The following ASH1L variants were observed in gnomAD, a reference collection of about 807,000 sequenced individuals.
ASH1L encodes histone-lysine N-methyltransferase ASH1L.
Under a neutral mutation model 269.0 loss-of-function variants are expected in ASH1L, and 23 were observed. The observed-to-expected ratio is 0.09, with a 90% CI of 0.06 to 0.12. The LOEUF (loss-of-function observed/expected upper bound fraction) is 0.12, where lower values mean the gene tolerates loss of function less well. Ranked by LOEUF, ASH1L falls within the 10% of genes least tolerant of loss-of-function variation. ASH1L has a pLI of 1.00. For synonymous variants in ASH1L, 1,187 were observed against 1,253.5 expected, an observed-to-expected ratio of 0.95 and a Z score of 1.12; for missense variants, 2,912 against 3,567.8, an observed-to-expected ratio of 0.82 and a Z score of 4.68.
chr1:155,505,697 C>A (rs1010821044), intron 2 of ASH1L, among the ~76,000 whole-genome samples: 1 of 151,998 alleles, frequency 6.6e-6, no homozygotes, highest in Non-Finnish European at 1.5e-5. Flanking sequence ...CTGAACTGTA[C>A]ATTTTAAAAG....
chr1:155,370,167 T>C (rs1042234449), intron 12 of ASH1L: 6 of 257,116 alleles, frequency 2.3e-5, no homozygotes, highest in Non-Finnish European at 4.6e-5. Flanking sequence ...ACCTCTCAAA[T>C]AGCTGGGACT....
intron 2 of ASH1L, among the ~76,000 whole-genome samples, chr1:155,508,250 T>C (rs917454299): frequency 4.6e-5 from 7 of 152,210 alleles, no homozygotes; most frequent in Non-Finnish European, 8.8e-5. Flanking sequence ...CACATGTAAC[T>C]GCATCAAAGC....
At chr1:155,512,234 G>A (rs1464323796) in intron 2 of ASH1L, among the ~76,000 whole-genome samples, 2 of 151,818 alleles carry the variant, frequency 1.3e-5, no homozygotes, top group Non-Finnish European at 2.9e-5. Flanking sequence ...GAGCACTGAA[G>A]ATAAAGTAGA....
intron 2 of ASH1L, among the ~76,000 whole-genome samples, chr1:155,495,300 A>T (rs1344624902): frequency 6.6e-6 from 1 of 152,182 alleles, no homozygotes; most frequent in African/African-American, 2.4e-5. Context: ...TTGTCATTGT[A>T]TGATCATAGT....
chr1:155,356,368 C>T (rs1654385965), intron 15 of ASH1L, among the ~76,000 whole-genome samples: 1 of 152,104 alleles, frequency 6.6e-6, no homozygotes, highest in Admixed American at 6.6e-5. Context: ...GGTGTGGAGG[C>T]TCACGCCTGT....
chr1:155,428,248 G>C (rs1661311171), intron 5 of ASH1L, among the ~76,000 whole-genome samples: 1 of 152,046 alleles, frequency 6.6e-6, no homozygotes. Flanking sequence ...AGACCAGCCT[G>C]ACCAACATGG....
intron 2 of ASH1L, 44 bp downstream of exon 2, chr1:155,521,056 G>C (rs537065503): frequency 6.6e-7 from 1 of 1,513,116 alleles, no homozygotes; most frequent in African/African-American, 1.4e-5. Context: ...ATAGGGAAAT[G>C]AAAATATTGT....
At chr1:155,433,848 C>G (rs2148603903) in intron 5 of ASH1L, 1 of 1,606,606 alleles carries the variant, frequency 6.2e-7, no homozygotes, top group East Asian at 2.2e-5. Context: ...ACATGCAAAG[C>G]AGAAACCCTC....
chr1:155,445,950 G>C (rs1662983071), intron 4 of ASH1L, among the ~76,000 whole-genome samples: 1 of 150,894 alleles, frequency 6.6e-6, no homozygotes, highest in Admixed American at 6.6e-5. Context: ...ACACTGGTCT[G>C]AATCTCCTGG....
chr1:155,378,854 T>G (rs1558046255), intron 8 of ASH1L, among the ~76,000 whole-genome samples: 1 of 152,190 alleles, frequency 6.6e-6, no homozygotes, highest in South Asian at 2.1e-4. Context: ...ACCAAAGCTA[T>G]TCATTTGGAC....
chr1:155,446,101 C>T (rs1368249005), intron 4 of ASH1L, among the ~76,000 whole-genome samples: 2 of 142,678 alleles, frequency 1.4e-5, no homozygotes, highest in African/African-American at 5.2e-5. Flanking sequence ...CCAGGCTGGT[C>T]TCGAACTCCT....
intron 10 of ASH1L, 139 bp from the exon 11 acceptor site, chr1:155,371,122 TA>T (rs1416862894): frequency 2.7e-6 from 2 of 735,746 alleles, no homozygotes; most frequent in Non-Finnish European, 4.4e-6. Flanking sequence ...TCACTAAGAT[TA>T]AAATAATAAA....
chr1:155,527,214 A>G (rs1050117310), intron 1 of ASH1L, among the ~76,000 whole-genome samples: 5 of 152,144 alleles, frequency 3.3e-5, no homozygotes, highest in African/African-American at 9.7e-5. Context: ...TCTCAAAAAA[A>G]AAGAAAAAAA....
chr1:155,519,256 G>A (rs1668704753), intron 2 of ASH1L, among the ~76,000 whole-genome samples: 1 of 151,992 alleles, frequency 6.6e-6, no homozygotes, highest in Non-Finnish European at 1.5e-5. Context: ...CCAACATGGA[G>A]AAACCCCATC....
At chr1:155,466,952 C>G (rs956748642) in intron 3 of ASH1L, among the ~76,000 whole-genome samples, 4 of 151,350 alleles carry the variant, frequency 2.6e-5, no homozygotes, top group Non-Finnish European at 4.4e-5. Flanking sequence ...AGTGAATATA[C>G]TTTTTCCAAA....
intron 2 of ASH1L, among the ~76,000 whole-genome samples, chr1:155,493,710 A>C (rs1167062112): frequency 6.6e-6 from 1 of 152,066 alleles, no homozygotes; most frequent in African/African-American, 2.4e-5. Context: ...TCTACTAAAA[A>C]TACAAAAAAA....
chr1:155,352,886 A>G, intron 16 of ASH1L, 28 bp from the exon 17 acceptor site: 1 of 1,584,434 alleles, frequency 6.3e-7, no homozygotes, highest in Non-Finnish European at 8.6e-7. Flanking sequence ...AAATTAAGTT[A>G]CAGGAAACAA....
At chr1:155,428,357 G>T (rs1358874114) in intron 5 of ASH1L, among the ~76,000 whole-genome samples, 2 of 151,886 alleles carry the variant, frequency 1.3e-5, no homozygotes, top group African/African-American at 2.4e-5. Context: ...CAGGAGAATT[G>T]CTTGAACCCA....
intron 12 of ASH1L, among the ~76,000 whole-genome samples, chr1:155,369,855 G>A (rs1055326399): frequency 6.6e-6 from 1 of 151,888 alleles, no homozygotes; most frequent in Non-Finnish European, 1.5e-5. Context: ...CTGCAACCTC[G>A]GCCTCCCGGG....
Sources: gnomAD v4.1 joint callset for allele counts (sites outside exome capture counted in the v4.1 genomes callset) on GRCh38, gnomAD v4.1.1 for gene constraint, MANE v1.5 for transcripts, NCBI Gene and HGNC (gene_info 2026-07-23, HGNC 2026-07-21) for gene names.